SLC24A2: variants seen among roughly 807,000 people sequenced by gnomAD.
SLC24A2 encodes the protein sodium/potassium/calcium exchanger 2.
SLC24A2 carries 36 observed loss-of-function variants against 62.0 expected under a neutral mutation model. That is an observed-to-expected ratio of 0.58 (90% CI 0.44 to 0.77). The LOEUF (loss-of-function observed/expected upper bound fraction) is 0.77. Ranked by LOEUF, SLC24A2 falls within the 30% of genes least tolerant of loss-of-function variation. SLC24A2 has a pLI of 0.00. For synonymous variants in SLC24A2, 358 were observed against 294.0 expected, an observed-to-expected ratio of 1.22 and a Z score of -2.23; for missense variants, 846 against 817.9, an observed-to-expected ratio of 1.03 and a Z score of -0.42.
At chr9:19,656,447 T>C (rs1247785763) in intron 2 of SLC24A2, among the ~76,000 whole-genome samples, 1 of 152,216 alleles carries the variant, frequency 6.6e-6, no homozygotes, top group Non-Finnish European at 1.5e-5. Context: ...AAACCCTTTA[T>C]TCTAATGTCT....
In SLC24A2 at chr9:19,516,102, AGAGTGTG is replaced by A; in HGVS notation, c.*44_*50del. On this transcript the variant is annotated 3_prime_UTR_variant, in exon 11 of 11. Transcript: ENST00000341998. ...CAAGAGGTCAAGGAGCCCAGAGCCC[AGAGTGTG>A]GAGGGACCATTCATGCTGCTGGTGC... is the stretch of plus-strand genomic sequence containing the variant. 6.2e-7 allele frequency: 1 copy of A among 1,611,910 alleles called. No homozygotes were observed. Among genetic ancestry groups the A allele is most frequent in the Non-Finnish European group, 8.5e-7 (1 of 1,178,478 alleles).
the SLC24A2 span, among the ~76,000 whole-genome samples, chr9:19,888,571 A>G: frequency 6.6e-6 from 1 of 152,190 alleles, no homozygotes; most frequent in Non-Finnish European, 1.5e-5. Flanking sequence ...TTCATTAAAT[A>G]TGCCATTTAT....
the SLC24A2 span, among the ~76,000 whole-genome samples, chr9:20,237,009 GGT>G: frequency 6.6e-6 from 1 of 151,974 alleles, no homozygotes; most frequent in Non-Finnish European, 1.5e-5. Flanking sequence ...GCAGAAGCCA[GGT>G]GTGTCTCACA....
At chr9:19,590,330 TCTC>T (rs2132883517) in intron 5 of SLC24A2, among the ~76,000 whole-genome samples, 1 of 152,176 alleles carries the variant, frequency 6.6e-6, no homozygotes, top group South Asian at 2.1e-4. Flanking sequence ...CAACAGTAAA[TCTC>T]CTAGATCCTT....
At chr9:19,689,904 T>C (rs1163935234) in intron 2 of SLC24A2, among the ~76,000 whole-genome samples, 2 of 152,162 alleles carry the variant, frequency 1.3e-5, no homozygotes, top group South Asian at 2.1e-4. Context: ...GTAAAGCAGA[T>C]AGCCCTCTCC....
intron 5 of SLC24A2, among the ~76,000 whole-genome samples, chr9:19,578,790 C>T (rs529601861): frequency 1.3e-5 from 2 of 152,260 alleles, no homozygotes; most frequent in South Asian, 4.2e-4. Flanking sequence ...AAACTAGAGT[C>T]AGACCAATGG....
the SLC24A2 span, among the ~76,000 whole-genome samples, chr9:20,197,237 T>C: frequency 6.6e-6 from 1 of 152,280 alleles, no homozygotes; most frequent in South Asian, 2.1e-4. Flanking sequence ...TTCCTTTATA[T>C]AGAGAGGATT....
chr9:20,025,699 G>A, the SLC24A2 span, among the ~76,000 whole-genome samples: 70 of 152,208 alleles, frequency 4.6e-4, no homozygotes, highest in African/African-American at 1.6e-3. Flanking sequence ...CCAATGACCT[G>A]GAACGACCAA....
At chr9:19,676,575 A>T (rs555236346) in intron 2 of SLC24A2, among the ~76,000 whole-genome samples, 2 of 152,124 alleles carry the variant, frequency 1.3e-5, no homozygotes, top group East Asian at 3.9e-4. Context: ...TGTGTATCTT[A>T]TATGGTAGGA....
the SLC24A2 span, among the ~76,000 whole-genome samples, chr9:20,094,553 T>G: frequency 0.015 from 2,226 of 152,312 alleles, 51 homozygotes; most frequent in African/African-American, 0.051. Context: ...TTAACAAGTG[T>G]GATTTTAAAA....
At chr9:20,174,112 T>C in the SLC24A2 span, among the ~76,000 whole-genome samples, 1 of 152,074 alleles carries the variant, frequency 6.6e-6, no homozygotes, top group Non-Finnish European at 1.5e-5. Context: ...GGACATCCTA[T>C]TCAACAAATG....
At chr9:20,009,070 G>C in the SLC24A2 span, among the ~76,000 whole-genome samples, 1 of 152,156 alleles carries the variant, frequency 6.6e-6, no homozygotes, top group Admixed American at 6.5e-5. Flanking sequence ...CCTTAAGCTA[G>C]CATAGTGCCA....
At chr9:20,053,928 T>C in the SLC24A2 span, among the ~76,000 whole-genome samples, 1 of 133,792 alleles carries the variant, frequency 7.5e-6, no homozygotes, top group Non-Finnish European at 1.8e-5. Context: ...TATCAATGTT[T>C]AGGTCCATCT....
chr9:20,036,404 T>A, the SLC24A2 span, among the ~76,000 whole-genome samples: 1 of 148,220 alleles, frequency 6.7e-6, no homozygotes, highest in East Asian at 2.2e-4. Context: ...AATTACCACA[T>A]TGTGCAATAG....
intron 5 of SLC24A2, among the ~76,000 whole-genome samples, chr9:19,578,079 A>AC (rs1300297871): frequency 6.6e-6 from 1 of 150,708 alleles, no homozygotes; most frequent in Admixed American, 6.6e-5. Context: ...GACTTTGGGG[A>AC]CTTGGGGGGA....
chr9:20,011,576 A>G, the SLC24A2 span, among the ~76,000 whole-genome samples: 4 of 152,330 alleles, frequency 2.6e-5, no homozygotes, highest in East Asian at 5.8e-4. Flanking sequence ...GACACCATCA[A>G]GAAAACTAAC....
the SLC24A2 span, among the ~76,000 whole-genome samples, chr9:20,019,157 G>GAAAGAAAGAA: frequency 3.3e-4 from 45 of 134,570 alleles, 3 homozygotes; most frequent in African/African-American, 7.9e-4. Context: ...AAGAAAGAAA[G>GAAAGAAAGAA]AGAGAGAGAC....
At chr9:19,727,214 T>C (rs1423591725) in intron 2 of SLC24A2, among the ~76,000 whole-genome samples, 1 of 152,198 alleles carries the variant, frequency 6.6e-6, no homozygotes, top group African/African-American at 2.4e-5. Context: ...TTGACATACA[T>C]ATTAGACATT....
the SLC24A2 span, among the ~76,000 whole-genome samples, chr9:19,911,764 C>A: frequency 1.3e-5 from 2 of 152,148 alleles, no homozygotes; most frequent in South Asian, 4.1e-4. Flanking sequence ...AGGAACTCCA[C>A]TTGACCTGTG....
Sources: allele counts gnomAD v4.1 joint callset (sites outside exome capture counted in the v4.1 genomes callset), GRCh38; gene constraint gnomAD v4.1.1; transcripts MANE v1.5; gene names NCBI Gene and HGNC (gene_info 2026-07-23, HGNC 2026-07-21).